HK1: variants seen among roughly 807,000 people sequenced by gnomAD.
HK1 encodes hexokinase 1, also known as hexokinase-1.
HK1 carries 28 observed loss-of-function variants against 91.6 expected under a neutral mutation model. That is an observed-to-expected ratio of 0.31 (90% CI 0.23 to 0.42). HK1 has a LOEUF of 0.42. Among genes scored for constraint, HK1 ranks in the 10% least tolerant of loss-of-function variants. HK1 has a pLI of 1.00. For synonymous variants in HK1, 430 were observed against 468.1 expected (o/e 0.92, Z 1.05); for missense variants, 770 against 1,219.8 (o/e 0.63, Z 5.49).
chr10:69,293,987 G>A (rs547958803), intron 3 of HK1, among the ~76,000 whole-genome samples: 18 of 148,870 alleles, frequency 1.2e-4, no homozygotes, highest in South Asian at 1.1e-3. Flanking sequence ...TCAGCCTCCC[G>A]AGTAGCTGGG....
At chr10:69,396,272 A>C (rs113392767) in intron 16 of HK1, among the ~76,000 whole-genome samples, 1 of 133,150 alleles carries the variant, frequency 7.5e-6, no homozygotes, top group Non-Finnish European at 1.5e-5. Context: ...CTCTGTCTCA[A>C]AAAAAAAAAA....
chr10:69,365,625 C>A (rs1214915048), intron 4 of HK1, among the ~76,000 whole-genome samples: 1 of 152,096 alleles, frequency 6.6e-6, no homozygotes, highest in African/African-American at 2.4e-5. Context: ...TGCCTGTAAT[C>A]CCAGCACTTT....
intron 1 of HK1, among the ~76,000 whole-genome samples, chr10:69,325,391 T>C (rs1847285018): frequency 6.6e-6 from 1 of 151,818 alleles, no homozygotes; most frequent in African/African-American, 2.4e-5. Context: ...GGAGTTCTGC[T>C]CTGTTGCCCA....
At chr10:69,299,264 G>C (rs886212882) in intron 4 of HK1, among the ~76,000 whole-genome samples, 40 of 151,388 alleles carry the variant, frequency 2.6e-4, no homozygotes, top group Non-Finnish European at 5.0e-4. Flanking sequence ...CCTCCACCCC[G>C]TGGGCTCAAG....
chr10:69,388,067 A>G (rs940438906), intron 13 of HK1, among the ~76,000 whole-genome samples: 7 of 152,180 alleles, frequency 4.6e-5, no homozygotes, highest in Non-Finnish European at 1.0e-4. Context: ...TTGCAGTTAA[A>G]TAGAAAAAAA....
chr10:69,356,882 CAAAAAAAA>C (rs778360296), intron 2 of HK1, among the ~76,000 whole-genome samples: 1 of 62,044 alleles, frequency 1.6e-5, no homozygotes, highest in African/African-American at 6.2e-5. Context: ...AACTCCATCT[CAAAAAAAA>C]AAAAAAAAAA....
intron 1 of HK1, among the ~76,000 whole-genome samples, chr10:69,320,979 C>T (rs558952725): frequency 2.6e-5 from 4 of 152,244 alleles, no homozygotes; most frequent in South Asian, 2.1e-4. Flanking sequence ...CTCCTCACTC[C>T]GAGTTTGGGA....
intron 1 of HK1, among the ~76,000 whole-genome samples, chr10:69,328,701 C>G (rs985154877): frequency 6.6e-6 from 1 of 152,212 alleles, no homozygotes; most frequent in South Asian, 2.1e-4. Flanking sequence ...TCAGTGGTTT[C>G]TAATAGATTT....
chr10:69,276,118 A>AAAATAT lies in HK1; in HGVS notation c.-391+6011_-391+6012insAATATA. Among the ~76,000 whole-genome samples the AAAATAT allele has an allele frequency of 2.1e-4, 8 of 38,270 alleles. 2 individuals are homozygous for AAAATAT. The highest frequency in any genetic ancestry group is 2.5e-4 in the Non-Finnish European group (5 of 19,638). 25.1% of individuals were successfully genotyped at this position (38,270 alleles called of 152,430 possible). ...AAAAAAAAAAAAAAAAAAAAAAAAAAATACATATATATATATATATACACA... is the reference window on the plus strand; with the variant it reads ...AAAAAAAAAAAAAAAAAAAAAAAAAAAAATATATACATATATATATATATATACACA... On this transcript the variant is annotated intron_variant, in intron 1 of 21. Coordinates refer to the HK1 transcript ENST00000360289.
At chr10:69,276,113 AAAAAAATAC>A (rs1330330123) in intron 1 of HK1, among the ~76,000 whole-genome samples, 20 of 70,064 alleles carry the variant, frequency 2.9e-4, no homozygotes, top group African/African-American at 1.1e-3. Context: ...AAAAAAAAAA[AAAAAAATAC>A]ATATATATAT....
chr10:69,309,670 G>A (rs185844818), intron 5 of HK1, among the ~76,000 whole-genome samples: 1 of 151,452 alleles, frequency 6.6e-6, no homozygotes, highest in East Asian at 2.0e-4. Flanking sequence ...GCGTGGTGGT[G>A]TGCACCTGTA....
At chr10:69,291,047 T>G (rs1489819860) in intron 3 of HK1, among the ~76,000 whole-genome samples, 2 of 152,260 alleles carry the variant, frequency 1.3e-5, no homozygotes, top group Non-Finnish European at 2.9e-5. Flanking sequence ...GAAGGAGCCC[T>G]TCTAAACCTG....
intron 8 of HK1, 125 bp downstream of exon 8, chr10:69,377,214 C>T (rs1391215771): frequency 1.8e-5 from 20 of 1,113,038 alleles, no homozygotes; most frequent in East Asian, 9.7e-5. Context: ...TTTCTGGGTC[C>T]GTGTCCTCTC....
chr10:69,354,459 G>A (rs1245673299), intron 2 of HK1, among the ~76,000 whole-genome samples: 2 of 152,102 alleles, frequency 1.3e-5, no homozygotes, highest in Non-Finnish European at 2.9e-5. Flanking sequence ...GAGCGAAGGG[G>A]GAAGAGCTCC....
intron 1 of HK1, among the ~76,000 whole-genome samples, chr10:69,324,910 G>T (rs1243745852): frequency 6.6e-6 from 1 of 151,986 alleles, no homozygotes; most frequent in Non-Finnish European, 1.5e-5. Context: ...AAGAAAAATA[G>T]GTAAAAATTT....
intron 5 of HK1, among the ~76,000 whole-genome samples, chr10:69,301,102 CG>C (rs1231765719): frequency 6.6e-6 from 1 of 151,648 alleles, no homozygotes; most frequent in Non-Finnish European, 1.5e-5. Context: ...AAAAATTAGC[CG>C]GGTGTAGTGT....
chr10:69,320,565 T>C (rs531208846), intron 1 of HK1, among the ~76,000 whole-genome samples: 2 of 152,258 alleles, frequency 1.3e-5, no homozygotes, highest in East Asian at 1.9e-4. Context: ...GTTCTTCCCA[T>C]TGGACCAGGG....
intron 4 of HK1, among the ~76,000 whole-genome samples, chr10:69,299,205 C>A (rs1482754310): frequency 6.6e-6 from 1 of 151,798 alleles, no homozygotes; most frequent in African/African-American, 2.4e-5. Context: ...CAGGGTCTCG[C>A]TCTGTCATGC....
intron 13 of HK1, among the ~76,000 whole-genome samples, chr10:69,387,025 G>T (rs1564564408): frequency 1.3e-5 from 2 of 152,074 alleles, no homozygotes; most frequent in African/African-American, 4.8e-5. Context: ...GGCACTCTCA[G>T]TTAGGCCTTG....
Sources: allele counts gnomAD v4.1 joint callset (sites outside exome capture counted in the v4.1 genomes callset), GRCh38; gene constraint gnomAD v4.1.1; transcripts MANE v1.5; gene names NCBI Gene and HGNC (gene_info 2026-07-23, HGNC 2026-07-21).